APEH: variants seen among roughly 807,000 people sequenced by gnomAD.
APEH encodes the protein acylamino-acid-releasing enzyme.
APEH carries 75 observed loss-of-function variants against 102.7 expected under a neutral mutation model. The ratio of observed to expected loss-of-function variants is 0.73; its 90% CI spans 0.61 to 0.89. APEH has a LOEUF of 0.89. APEH is among the 40% of genes least tolerant of loss of function. APEH has a pLI of 0.00. For missense variants in APEH, 863 were observed against 941.2 expected (o/e 0.92, Z 1.09); for synonymous variants, 344 against 362.7 (o/e 0.95, Z 0.59).
At chr3:49,674,076 C>A, upstream of APEH, 2 of 459,816 alleles carry the variant, frequency 4.3e-6, no homozygotes, top group Non-Finnish European at 7.7e-6. Flanking sequence ...ACAGGGCCGC[C>A]CCCTCTCCTC....
rs1198587012 is a variant in APEH at position 49,676,718 on chromosome 3, G to A, written c.836+18G>A. ...AATCGCAGGTGAGGGAGTGGGGCAA[G>A]GCAAGGGGCCTTGCAGCCCAGCTGG... On this transcript the variant is annotated intron_variant, in intron 8 of 21. Coordinates refer to ENST00000296456, the MANE Select transcript of APEH (RefSeq NM_001640.4). 6.2e-7 allele frequency: 1 copy of A among 1,614,156 alleles called. No individual in the cohort carries two copies. Among genetic ancestry groups the A allele is most frequent in the African/African-American group, 1.3e-5 (1 of 74,954 alleles).
At chr3:49,674,202 T>C (rs1267247585), upstream of APEH, 29 of 671,112 alleles carry the variant, frequency 4.3e-5, no homozygotes, top group Admixed American at 5.1e-4. Flanking sequence ...CCAGGACTTC[T>C]CGCTCCCAGG....
chr3:49,678,790 C>G, intron 11 of APEH, 62 bp from the exon 12 acceptor site: 1 of 1,405,732 alleles, frequency 7.1e-7, no homozygotes. Flanking sequence ...CCTAGCCTTC[C>G]TTGTAGACTA....
intron 15 of APEH, 29 bp from the exon 16 acceptor site, chr3:49,681,693 C>T (rs1433277600): frequency 6.5e-7 from 1 of 1,529,614 alleles, no homozygotes; most frequent in Admixed American, 1.9e-5. Context: ...CCTAGGCTCA[C>T]CCTGCTGACT....
exon 1 of APEH, chr3:49,674,324 GTCCCAGGCTCCGCCCCCGGAAGCCTCAC>G (rs2052909113): frequency 6.6e-7 from 1 of 1,508,572 alleles, no homozygotes; most frequent in Non-Finnish European, 8.8e-7. Context: ...AGCCCGGGCC[GTCCCAGGCTCCGCCCCCGGAAGCCTCAC>G]TTCCGGGCGC....
In APEH at chr3:49,679,849, C is replaced by T; in HGVS notation, c.1210+205C>T. The T allele has an allele frequency of 1.8e-6, 1 of 550,624 alleles. No individual in the cohort carries two copies. The highest frequency in any genetic ancestry group is 3.3e-6 in the Non-Finnish European group (1 of 301,000). 34.1% of individuals were successfully genotyped at this position (550,624 alleles called of 1,614,324 possible). ...CCCAACCAACAGACTAGCTTCCCTGCTCTACTGCCCTTTAGCACTCAACTC... is the reference window on the plus strand; with the variant it reads ...CCCAACCAACAGACTAGCTTCCCTGTTCTACTGCCCTTTAGCACTCAACTC... On this transcript the variant is annotated intron_variant, in intron 13 of 21. Transcript: ENST00000296456. This position sits in a 1 kb window ranked among gnomAD's most constrained non-coding sequence, Gnocchi z 4.3.
At chr3:49,674,324 G>GT, upstream of APEH, 1 of 1,508,692 alleles carries the variant, frequency 6.6e-7, no homozygotes, top group Non-Finnish European at 8.8e-7. Flanking sequence ...AGCCCGGGCC[G>GT]TCCCAGGCTC....
intron 5 of APEH, 25 bp from the exon 6 acceptor site, chr3:49,676,031 C>G (rs1234646058): frequency 5.6e-6 from 9 of 1,614,174 alleles, no homozygotes; most frequent in Middle Eastern, 1.7e-4. Flanking sequence ...CTGGGCCCCC[C>G]CTGATTGGCC....
At chr3:49,674,336 G>A, upstream of APEH, 1 of 1,520,906 alleles carries the variant, frequency 6.6e-7, no homozygotes. Context: ...CCCAGGCTCC[G>A]CCCCCGGAAG....
Position 49,675,312 on chromosome 3 carries a change from A to C in APEH, c.272+3A>C, listed in dbSNP as rs2108115570. On this transcript the variant is annotated splice_donor_region_variant and intron_variant, in intron 3 of 21. Transcript: ENST00000296456. The stretch of plus-strand genomic sequence containing the variant: ...AACAGTGTGGAGACCCGGGGGGAGT[A>C]AGTTTGAGGGAGGAAGCTTGTGGGC... 6.2e-7 allele frequency: 1 copy of C among 1,613,444 alleles called. No homozygotes were observed. Among genetic ancestry groups the C allele is most frequent in the South Asian group, 1.1e-5 (1 of 90,996 alleles).
At chr3:49,678,768 AT>A (rs1222513758) in intron 11 of APEH, 83 bp from the exon 12 acceptor site, 68 of 1,169,634 alleles carry the variant, frequency 5.8e-5, no homozygotes, top group Non-Finnish European at 7.7e-5. Context: ...CCCTGGGTGA[AT>A]TCCCCAGTAC....
At position 49,676,807 on chromosome 3, in the gene APEH, G is replaced by T; in HGVS notation, c.867G>T (p.Gly289=). Residue 289 remains glycine (G), a synonymous_variant, in exon 9 of 22, where the codon GGG becomes GGT. Transcript: ENST00000296456. ...RSALYYVDLI[G]GKCELLSDDS... ...CCCTGTATTATGTGGACCTCATCGG[G>T]GGGAAGTGTGGTAAGTGGCTGATGC... 1 of 1,614,288 alleles carries T rather than the reference G, an allele frequency of 6.2e-7. No homozygotes were observed. Among genetic ancestry groups the T allele is most frequent in the Non-Finnish European group, 8.5e-7 (1 of 1,180,050 alleles).
chr3:49,681,124 A>C lies in APEH; in HGVS notation c.1323A>C (p.Ala441=), dbSNP rs763983909. 1 of 1,596,614 alleles carries C rather than the reference A, an allele frequency of 6.3e-7. No individual in the cohort carries two copies. The highest frequency in any genetic ancestry group is 8.5e-7 in the Non-Finnish European group (1 of 1,171,022). ...PTLKVGFLPS[A]GKEQSVLWVS... Reference sequence around the variant, plus strand: ...AGAAAGTTGGGTTCCTGCCTTCTGCAGGGAAGGAGCAGTCAGTGTTGTGGG... The same window carrying C: ...AGAAAGTTGGGTTCCTGCCTTCTGCCGGGAAGGAGCAGTCAGTGTTGTGGG... Residue 441 remains alanine (A), a synonymous_variant, in exon 15 of 22, where the codon GCA becomes GCC. Transcript: ENST00000296456.
chr3:49,679,941 T>C lies in APEH; in HGVS notation c.1210+297T>C. ...TCTGCTCCTAAAACCCACAAAACTCTCTCTTATCAAGATCTGCCAGACTCA... is the reference window on the plus strand; with the variant it reads ...TCTGCTCCTAAAACCCACAAAACTCCCTCTTATCAAGATCTGCCAGACTCA... On this transcript the variant is annotated intron_variant, in intron 13 of 21. Coordinates refer to ENST00000296456, the MANE Select transcript of APEH (RefSeq NM_001640.4). This position sits in a 1 kb window ranked among gnomAD's most constrained non-coding sequence, Gnocchi z 4.3. 1 of 327,544 alleles carries C rather than the reference T, an allele frequency of 3.1e-6. No individual in the cohort carries two copies. Among genetic ancestry groups the C allele is most frequent in the East Asian group, 6.4e-5 (1 of 15,650 alleles). The allele number at this position is 327,544 out of a possible 1,614,324, so 20.3% of individuals were successfully genotyped here.
chr3:49,674,574 C>A lies in APEH; in HGVS notation c.98C>A (p.Pro33Gln). 6.4e-7 allele frequency: 1 copy of A among 1,574,374 alleles called. No individual in the cohort carries two copies. Among genetic ancestry groups the A allele is most frequent in the Non-Finnish European group, 8.5e-7 (1 of 1,169,638 alleles). The change falls in exon 2 of 22, where the codon CCG becomes CAG. Residue 33 changes from proline to glutamine, a missense_variant. Coordinates refer to ENST00000296456, the MANE Select transcript of APEH (RefSeq NM_001640.4). ...QPALSAACLG[P>Q]EVTTQYGGQY... ...GCGCTGAGCGCCGCCTGCCTGGGCC[C>A]GGAGGTCACCACGCAGTACGGCGGC...
At position 49,680,592 on chromosome 3, in the gene APEH, T is replaced by C; in HGVS notation, c.1262T>C (p.Val421Ala). The change falls in exon 14 of 22, where the codon GTG becomes GCG. Residue 421 changes from valine (V) to alanine (A), a missense_variant. By Grantham distance (64) the Val-to-Ala change is moderately conservative (BLOSUM62 0). Transcript: ENST00000296456. Reference protein sequence around the residue: ...KLLTIDQDLMVAQFSTPSLPP... With the variant: ...KLLTIDQDLMAAQFSTPSLPP... ...CTCACAATTGACCAGGACCTCATGGTGGCACAGTTTTCCACACCCAGCCTA... is the reference window on the plus strand; with the variant it reads ...CTCACAATTGACCAGGACCTCATGGCGGCACAGTTTTCCACACCCAGCCTA... 6.2e-7 allele frequency: 1 copy of C among 1,614,092 alleles called. No individual in the cohort carries two copies. Among genetic ancestry groups the C allele is most frequent in the Non-Finnish European group, 8.5e-7 (1 of 1,180,008 alleles).
At chr3:49,674,315 G>A, upstream of APEH, 3 of 1,488,072 alleles carry the variant, frequency 2.0e-6, no homozygotes, top group Non-Finnish European at 2.7e-6. Flanking sequence ...GGCGGAGACA[G>A]CCCGGGCCGT....
chr3:49,674,338 C>T, upstream of APEH: 2 of 1,523,156 alleles, frequency 1.3e-6, no homozygotes, highest in Non-Finnish European at 1.8e-6. Context: ...CAGGCTCCGC[C>T]CCCGGAAGCC....
chr3:49,683,390 C>G lies in APEH; in HGVS notation c.*48C>G. 2.0e-6 allele frequency: 3 copies of G among 1,519,330 alleles called. No individual in the cohort carries two copies. In the Middle Eastern group the frequency reaches 5.1e-4, roughly 259 times the overall value. The allele number at this position is 1,519,330 out of a possible 1,614,324, so 94.1% of individuals were successfully genotyped here. ...TGATCAGCCTGTGCCACACTTCGCT[C>G]TTGAGGAGCTCAACGGTCTGGCAGG... On this transcript the variant is annotated 3_prime_UTR_variant, in exon 22 of 22. Transcript: ENST00000296456.
Sources: gnomAD v4.1 joint callset for allele counts on GRCh38, gnomAD v4.1.1 for gene constraint, Gnocchi (gnomAD v3.1) non-coding constraint, MANE v1.5 for transcripts, NCBI Gene and HGNC (gene_info 2026-07-23, HGNC 2026-07-21) for gene names.